Variants in CCDC74A observed in about 807,000 individuals in gnomAD.
The protein encoded by CCDC74A is coiled-coil domain-containing protein 74A.
A neutral mutation model predicts 37.6 loss-of-function variants in CCDC74A; 38 were observed. The observed-to-expected ratio is 1.01, with a 90% confidence interval of 0.78 to 1.33. CCDC74A has a LOEUF of 1.33. CCDC74A is among the 40% of genes most tolerant of loss of function. The pLI, the probability that CCDC74A is intolerant of heterozygous loss-of-function variation, is 0.00. For synonymous variants in CCDC74A, 134 were observed against 165.2 expected (o/e 0.81, Z 1.45); for missense variants, 340 against 403.4 (o/e 0.84, Z 1.35).
chr2:131,530,230 C>G (rs1185033161), intron 2 of CCDC74A: 2 of 1,547,294 alleles, frequency 1.3e-6, no homozygotes, highest in Admixed American at 2.0e-5. Flanking sequence ...CAGCGGCCCC[C>G]ACCCAGCCCA....
At position 131,528,087 on chromosome 2, in the gene CCDC74A, G is replaced by C. The variant is rs781771163; in HGVS notation, c.117G>C (p.Pro39=). The C allele has an allele frequency of 6.2e-7, 1 of 1,612,696 alleles. No individual in the cohort carries two copies. Among genetic ancestry groups the C allele is most frequent in the Non-Finnish European group, 8.5e-7 (1 of 1,179,574 alleles). Residue 39 remains proline, a synonymous_variant, in exon 1 of 8, where the codon CCG becomes CCC. Coordinates refer to ENST00000409856, the MANE Select transcript of CCDC74A (RefSeq NM_001258306.3). The stretch of plus-strand genomic sequence containing the variant: ...TCCAGTCCTTGAGGCCGCAGAGCCC[G>C]CAGCTCAGGCAGAGCGACCCGCAGA... ...VGVQSLRPQS[P]QLRQSDPQKR...
Position 131,533,027 on chromosome 2 carries a change from C to T in CCDC74A, c.767C>T (p.Thr256Met), listed in dbSNP as rs146556018. The T allele has an allele frequency of 2.0e-4, 329 of 1,613,942 alleles. No individual in the cohort carries two copies. In the African/African-American group the frequency reaches 2.7e-3, roughly 13 times the overall value. The part of the protein sequence containing the change: ...EASFPRDQEA[T>M]HFPKVSTKSL... Reference sequence around the variant, plus strand: ...CCTTCACCCAGGGACCAAGAAGCCACGCATTTCCCCAAGGTCTCCACCAAG... The same window carrying T: ...CCTTCACCCAGGGACCAAGAAGCCATGCATTTCCCCAAGGTCTCCACCAAG... The change falls in exon 7 of 8, where the codon ACG becomes ATG. Residue 256 changes from threonine to methionine, a missense_variant. Transcript: ENST00000409856.
Position 131,533,406 on chromosome 2 carries a change from C to T in CCDC74A, c.*8C>T, listed in dbSNP as rs763318909. On this transcript the variant is annotated 3_prime_UTR_variant, in exon 8 of 8. Coordinates refer to ENST00000409856, the MANE Select transcript of CCDC74A (RefSeq NM_001258306.3). ...CATCGCTCAGTGCTTTGAGCCACCCCAATCTGGTCAGTGCCAGGCCCACCA... is the reference window on the plus strand; with the variant it reads ...CATCGCTCAGTGCTTTGAGCCACCCTAATCTGGTCAGTGCCAGGCCCACCA... 1 of 1,613,306 alleles carries T rather than the reference C, an allele frequency of 6.2e-7. No homozygotes were observed. Among genetic ancestry groups the T allele is most frequent in the Non-Finnish European group, 8.5e-7 (1 of 1,179,934 alleles).
intron 7 of CCDC74A, 59 bp downstream of exon 7, chr2:131,533,128 G>A: frequency 6.2e-7 from 1 of 1,612,154 alleles, no homozygotes; most frequent in Non-Finnish European, 8.5e-7. Context: ...CCCAGGGAGG[G>A]AGTGGGGAAG....
chr2:131,527,838 A>G (rs1680431453), upstream of CCDC74A: 1 of 1,313,116 alleles, frequency 7.6e-7, no homozygotes, highest in Non-Finnish European at 1.0e-6. Flanking sequence ...AGAGCCAGCG[A>G]CAGGCCCCGC....
intron 2 of CCDC74A, 184 bp downstream of exon 2, chr2:131,529,875 C>T: frequency 1.3e-6 from 2 of 1,495,718 alleles, no homozygotes; most frequent in South Asian, 1.3e-5. Flanking sequence ...TGCAGCCAAG[C>T]ACAGCACGTG....
At chr2:131,528,369 A>G in intron 1 of CCDC74A, 149 bp downstream of exon 1, 2 of 1,549,008 alleles carry the variant, frequency 1.3e-6, no homozygotes, top group Non-Finnish European at 1.7e-6. Context: ...TGCCACGCTG[A>G]GCTGTCCCCT....
intron 2 of CCDC74A, chr2:131,530,093 C>A: frequency 6.5e-7 from 1 of 1,550,352 alleles, no homozygotes; most frequent in Non-Finnish European, 8.7e-7. Context: ...ATGCTGGGGG[C>A]CCAGGGGCTC....
chr2:131,529,321 A>G (rs907240307), intron 1 of CCDC74A: 1 of 543,524 alleles, frequency 1.8e-6, no homozygotes, highest in Non-Finnish European at 3.3e-6. Flanking sequence ...GGATCATGAC[A>G]CTGCCATAGC....
chr2:131,527,842 G>GC (rs1387917869), upstream of CCDC74A: 4 of 1,350,256 alleles, frequency 3.0e-6, no homozygotes, highest in Non-Finnish European at 3.9e-6. Context: ...CCAGCGACAG[G>GC]CCCCGCCCCC....
chr2:131,533,032 T>C lies in CCDC74A; in HGVS notation c.772T>C (p.Phe258Leu), dbSNP rs150471972. Reference protein sequence around the residue: ...SFPRDQEATHFPKVSTKSLSK... With the variant: ...SFPRDQEATHLPKVSTKSLSK... ...ACCCAGGGACCAAGAAGCCACGCAT[T>C]TCCCCAAGGTCTCCACCAAGAGCCT... The change falls in exon 7 of 8, where the codon TTC becomes CTC. Residue 258 changes from phenylalanine to leucine, a missense_variant. Coordinates refer to ENST00000409856, the MANE Select transcript of CCDC74A (RefSeq NM_001258306.3). 12 of 1,613,762 alleles carry C rather than the reference T, an allele frequency of 7.4e-6. No individual in the cohort carries two copies. The highest frequency in any genetic ancestry group is 1.6e-4 in the Middle Eastern group (1 of 6,078).
At chr2:131,531,017 G>C (rs909518477) in intron 3 of CCDC74A, among the ~76,000 whole-genome samples, 190 bp downstream of exon 3, 1 of 152,092 alleles carries the variant, frequency 6.6e-6, no homozygotes, top group African/African-American at 2.4e-5. Context: ...GGGTGGGCAG[G>C]ACCAGGGACC....
Position 131,531,794 on chromosome 2 carries a change from G to A in CCDC74A, c.477G>A (p.Gly159=). 6.6e-7 allele frequency: 1 copy of A among 1,507,950 alleles called. No individual in the cohort carries two copies. The highest frequency in any genetic ancestry group is 8.8e-7 in the Non-Finnish European group (1 of 1,136,800). The allele number at this position is 1,507,950 out of a possible 1,614,324, so 93.4% of individuals were successfully genotyped here. A position where few individuals can be genotyped will look rare whatever the true frequency, so the allele number is the denominator to read the frequency against. ...SKLDKVPGVQ[G]QARKEKAEAS... is the part of the protein sequence containing the mutation. ...TGGACAAAGTTCCTGGGGTACAAGG[G>A]CAGGCCAGGTAAGGCTTGGGTGTTC... The change falls in exon 4 of 8, where the codon GGG becomes GGA. Residue 159 remains glycine, a synonymous_variant. Coordinates refer to ENST00000409856, the MANE Select transcript of CCDC74A (RefSeq NM_001258306.3).
intron 1 of CCDC74A, 142 bp from the exon 2 acceptor site, chr2:131,529,505 G>A (rs368234271): frequency 2.5e-5 from 27 of 1,101,960 alleles, no homozygotes; most frequent in South Asian, 5.1e-5. Context: ...GGTGGAGAGC[G>A]GGATCCATGG....
chr2:131,527,351 G>C (rs867635814), upstream of CCDC74A, among the ~76,000 whole-genome samples: 11 of 151,918 alleles, frequency 7.2e-5, no homozygotes, highest in African/African-American at 2.7e-4. Context: ...CTGCAGCCTC[G>C]ACCTCTGGGG....
intron 1 of CCDC74A, chr2:131,529,410 A>T: frequency 1.5e-6 from 1 of 672,778 alleles, no homozygotes; most frequent in Non-Finnish European, 2.7e-6. Flanking sequence ...CAGTCATCTC[A>T]GATGGATGAG....
chr2:131,528,786 C>T (rs1403765778), intron 1 of CCDC74A, among the ~76,000 whole-genome samples: 3 of 151,778 alleles, frequency 2.0e-5, no homozygotes, highest in Admixed American at 2.0e-4. Context: ...ACTCCAGCCT[C>T]GGTGACAGAG....
chr2:131,533,471 T>C lies in CCDC74A; in HGVS notation c.*73T>C, dbSNP rs701651. Reference sequence around the variant, plus strand: ...ACTGGCTCTCTATAGCATTTCCTGATACTTCCGCTACTTTTAGGCCTGGCT... The same window carrying C: ...ACTGGCTCTCTATAGCATTTCCTGACACTTCCGCTACTTTTAGGCCTGGCT... On this transcript the variant is annotated 3_prime_UTR_variant, in exon 8 of 8. Coordinates refer to ENST00000409856, the MANE Select transcript of CCDC74A (RefSeq NM_001258306.3). 1.1e-5 allele frequency: 17 copies of C among 1,577,152 alleles called. No homozygotes were observed. Among genetic ancestry groups the C allele is most frequent in the Admixed American group, 1.7e-5 (1 of 57,186 alleles).
Position 131,530,770 on chromosome 2 carries a change from C to T in CCDC74A, c.296-7C>T, listed in dbSNP as rs745417404. The T allele has an allele frequency of 6.2e-7, 1 of 1,612,446 alleles. No individual in the cohort carries two copies. The highest frequency in any genetic ancestry group is 8.5e-7 in the Non-Finnish European group (1 of 1,179,726). On this transcript the variant is annotated splice_polypyrimidine_tract_variant and splice_region_variant and intron_variant, in intron 2 of 7. Transcript: ENST00000409856. ...CGGTAGCGCCGACACTGTGCGCTCT[C>T]CTGCAGACAGCCTCTCCATGTCAAG...
Sources: gnomAD v4.1 joint callset for allele counts (sites outside exome capture counted in the v4.1 genomes callset) on GRCh38, gnomAD v4.1.1 for gene constraint, MANE v1.5 for transcripts, NCBI Gene and HGNC (gene_info 2026-07-23, HGNC 2026-07-21) for gene names.